Variants in SSH1 observed in about 807,000 individuals in gnomAD.
The protein encoded by SSH1 is protein phosphatase Slingshot homolog 1.
Under a neutral mutation model 79.7 loss-of-function variants are expected in SSH1, and 43 were observed. The ratio of observed to expected loss-of-function variants is 0.54; its 90% CI spans 0.42 to 0.70. SSH1 has a LOEUF of 0.70. SSH1 is among the 30% of genes least tolerant of loss of function. The probability of loss-of-function intolerance (pLI) is 0.00; values close to 1 mark genes in which losing one functional copy is unlikely to be tolerated. For missense variants in SSH1, 1,206 were observed against 1,358.8 expected (o/e 0.89, Z 1.77); for synonymous variants, 599 against 538.3 (o/e 1.11, Z -1.56).
In SSH1 at chr12:108,784,887, T is replaced by C. The variant is rs1023451230; in HGVS notation, c.*3101A>G. The C allele has an allele frequency of 1.3e-5, 2 of 152,256 alleles. No homozygotes were observed. The highest frequency in any genetic ancestry group is 2.9e-5 in the Non-Finnish European group (2 of 68,048). The allele number at this position is 152,256 out of a possible 1,614,324, so 9.4% of individuals were successfully genotyped here. ...CAACAAATGCATTCAATGAAAATGATAGTCATAAAAAACCAGTGACTTGCA... is the reference window on the plus strand; with the variant it reads ...CAACAAATGCATTCAATGAAAATGACAGTCATAAAAAACCAGTGACTTGCA... On this transcript the variant is annotated 3_prime_UTR_variant, in exon 15 of 15. Coordinates refer to ENST00000326495, the MANE Select transcript of SSH1 (RefSeq NM_018984.4).
In SSH1 at chr12:108,807,253, G is replaced by C. The variant is rs968490725; in HGVS notation, c.731+380C>G. Among the ~76,000 whole-genome samples, 1 of 152,152 alleles carries C rather than the reference G, an allele frequency of 6.6e-6. No individual in the cohort carries two copies. Among genetic ancestry groups the C allele is most frequent in the African/African-American group, 2.4e-5 (1 of 41,430 alleles). On this transcript the variant is annotated intron_variant, in intron 8 of 14. Transcript: ENST00000326495. The surrounding 1 kb of genome is among the most constrained non-coding windows in gnomAD (Gnocchi z 5.2). ...CACATTCCTAACTCTCCTCAGAGCA[G>C]AGCGGGAGGCTCTGAGAATTAAGTC...
chr12:108,795,850 CAAAA>C, intron 13 of SSH1, among the ~76,000 whole-genome samples: 1 of 151,888 alleles, frequency 6.6e-6, no homozygotes, highest in African/African-American at 2.4e-5. Flanking sequence ...GACCCTGTCT[CAAAA>C]AAATAAAATT....
At chr12:108,839,054 T>C (rs2038712949) in intron 2 of SSH1, among the ~76,000 whole-genome samples, 1 of 152,232 alleles carries the variant, frequency 6.6e-6, no homozygotes, top group South Asian at 2.1e-4. Context: ...GGCACTACTG[T>C]AGATACAACA....
rs1367000132 is a variant in SSH1, at chr12:108,787,560, G to A, written c.*428C>T. The A allele has an allele frequency of 4.8e-6, 1 of 206,592 alleles. No individual in the cohort carries two copies. Among genetic ancestry groups the A allele is most frequent in the Non-Finnish European group, 1.0e-5 (1 of 99,960 alleles). The allele number at this position is 206,592 out of a possible 1,614,324, so 12.8% of individuals were successfully genotyped here. On this transcript the variant is annotated 3_prime_UTR_variant, in exon 15 of 15. Coordinates refer to ENST00000326495, the MANE Select transcript of SSH1 (RefSeq NM_018984.4). ...AAAAGCGCAGCGAGAACAGAGGTAG[G>A]ACTTAATGTTGCCATCCGAGAGTTT...
chr12:108,788,060 A>C lies in SSH1; in HGVS notation c.3078T>G (p.Ala1026=). The C allele has an allele frequency of 6.2e-7, 1 of 1,614,124 alleles. No individual in the cohort carries two copies. Among genetic ancestry groups the C allele is most frequent in the Non-Finnish European group, 8.5e-7 (1 of 1,180,026 alleles). ...GTTTCCCTGATGGTTTGGAGGTTGC[A>C]GCTGGGTCCCTCGGGGTTCCCTGGG... ...HEPQGTPRDP[A]ATSKPSGKPA... is the part of the protein sequence containing the mutation. Residue 1026 remains alanine (A), a synonymous_variant, in exon 15 of 15, where the codon GCT becomes GCG. Transcript: ENST00000326495.
At chr12:108,789,874 A>G (rs932186746) in intron 14 of SSH1, among the ~76,000 whole-genome samples, 9 of 152,264 alleles carry the variant, frequency 5.9e-5, no homozygotes, top group South Asian at 4.2e-4. Context: ...TTTCAAACAG[A>G]TAAGAGACAA....
chr12:108,827,166 TCCTCAAAAAACCCCAGG>T lies in SSH1; in HGVS notation c.111-3822_111-3806del, dbSNP rs2038341887. 2.5e-6 allele frequency: 3 copies of T among 1,192,878 alleles called. No homozygotes were observed. In the South Asian group the frequency reaches 5.1e-5, roughly 20 times the overall value. 73.9% of individuals were successfully genotyped at this position (1,192,878 alleles called of 1,614,324 possible). The stretch of plus-strand genomic sequence containing the variant: ...ACAGACAAAAAACCTCAATCAATGC[TCCTCAAAAAACCCCAGG>T]CCCCCAAAATATAAACAGCCAGTGT... On this transcript the variant is annotated intron_variant, in intron 2 of 14. Transcript: ENST00000326495.
rs745554125 is a variant in SSH1, at chr12:108,783,402, T to C, written c.*4586A>G. The C allele has an allele frequency of 3.3e-5, 5 of 152,238 alleles. No homozygotes were observed. Among genetic ancestry groups the C allele is most frequent in the African/African-American group, 1.2e-4 (5 of 41,468 alleles). 9.4% of individuals were successfully genotyped at this position (152,238 alleles called of 1,614,324 possible). ...TGAGACTTTAACAGTTTTGCATAAA[T>C]ACATAGTATTTGTAAACTATTATTA... On this transcript the variant is annotated 3_prime_UTR_variant, in exon 15 of 15. Coordinates refer to ENST00000326495, the MANE Select transcript of SSH1 (RefSeq NM_018984.4).
At chr12:108,797,041 C>A (rs1385043485) in intron 13 of SSH1, among the ~76,000 whole-genome samples, 1 of 152,154 alleles carries the variant, frequency 6.6e-6, no homozygotes, top group East Asian at 1.9e-4. Flanking sequence ...AATGCCTGGC[C>A]CCTAATTTTC....
intron 12 of SSH1, among the ~76,000 whole-genome samples, 199 bp from the exon 13 acceptor site, chr12:108,799,399 C>T (rs1435967685): frequency 1.3e-5 from 2 of 152,206 alleles, no homozygotes; most frequent in Admixed American, 1.3e-4. Flanking sequence ...GGAAATACCA[C>T]CACTGTAGAA....
intron 1 of SSH1, among the ~76,000 whole-genome samples, chr12:108,856,478 A>T (rs1439106206): frequency 6.6e-6 from 1 of 152,224 alleles, no homozygotes; most frequent in African/African-American, 2.4e-5. Flanking sequence ...ATCACCCAGA[A>T]TGGGTCACAG....
Position 108,788,698 on chromosome 12 carries a change from T to C in SSH1, c.2440A>G (p.Ile814Val), listed in dbSNP as rs1198611694. 5 of 1,614,104 alleles carry C rather than the reference T, an allele frequency of 3.1e-6. No individual in the cohort carries two copies. The highest frequency in any genetic ancestry group is 3.3e-5 in the Admixed American group (2 of 60,018). The change falls in exon 15 of 15, where the codon ATT becomes GTT. Residue 814 changes from isoleucine (I) to valine (V), a missense_variant. Physicochemically the swap from Ile to Val is conservative, Grantham distance 29. This residue lies in a region of SSH1 where 709 missense variants were observed against 730.6 expected (regional missense o/e 0.97). Transcript: ENST00000326495. ...SYLMQHQESI[I>V]QLQKAGLVRK... Reference sequence around the variant, plus strand: ...ACCAAGCCTGCCTTCTGCAGCTGAATGATGGACTCCTGGTGCTGCATCAGG... The same window carrying C: ...ACCAAGCCTGCCTTCTGCAGCTGAACGATGGACTCCTGGTGCTGCATCAGG...
In SSH1 at chr12:108,857,579, C is replaced by G. The variant is rs1255809303; in HGVS notation, c.-83G>C. 11 of 838,032 alleles carry G rather than the reference C, an allele frequency of 1.3e-5. No individual in the cohort carries two copies. The highest frequency in any genetic ancestry group is 1.6e-5 in the Non-Finnish European group (11 of 698,346). The allele number at this position is 838,032 out of a possible 1,614,324, so 51.9% of individuals were successfully genotyped here. On this transcript the variant is annotated 5_prime_UTR_variant, in exon 1 of 15. Coordinates refer to ENST00000326495, the MANE Select transcript of SSH1 (RefSeq NM_018984.4). The surrounding 1 kb of genome is among the most constrained non-coding windows in gnomAD (Gnocchi z 4.7). ...CCGCCGCCCGGGCCGGGCCCGGGGC[C>G]TCCTGGAGCCGCGCGCGGGCGGCCG...
intron 2 of SSH1, among the ~76,000 whole-genome samples, chr12:108,848,850 C>A (rs1443754309): frequency 1.3e-5 from 2 of 151,850 alleles, no homozygotes; most frequent in Non-Finnish European, 2.9e-5. Flanking sequence ...TGGGGACCTG[C>A]TGACAGTGGC....
At chr12:108,854,808 A>C (rs2039111800) in intron 1 of SSH1, among the ~76,000 whole-genome samples, 1 of 152,224 alleles carries the variant, frequency 6.6e-6, no homozygotes, top group Non-Finnish European at 1.5e-5. Context: ...GCCCACACAC[A>C]GGAAGCAACT....
chr12:108,817,592 C>CAAAACACAAA lies in SSH1; in HGVS notation c.280-443_280-434dup, dbSNP rs377134068. ...TCTGTCTCAAACAACAACAACACAA[C>CAAAACACAAA]AAAACACAAAGCGGAAGTTCTTGAC... is the stretch of plus-strand genomic sequence containing the variant. On this transcript the variant is annotated intron_variant, in intron 4 of 14. Transcript: ENST00000326495. Among the ~76,000 whole-genome samples, 1,052 of 152,218 alleles carry CAAAACACAAA rather than the reference C, an allele frequency of 6.9e-3. 14 individuals are homozygous for CAAAACACAAA. The highest frequency in any genetic ancestry group is 0.024 in the African/African-American group (1,002 of 41,544).
chr12:108,808,174 G>C (rs571825833), intron 7 of SSH1, among the ~76,000 whole-genome samples: 1 of 152,312 alleles, frequency 6.6e-6, no homozygotes, highest in Non-Finnish European at 1.5e-5. Flanking sequence ...CTAGCCTCAA[G>C]TGATCTGCCC....
chr12:108,792,025 T>A (rs1822790945), intron 14 of SSH1: 1 of 1,426,804 alleles, frequency 7.0e-7, no homozygotes, highest in Non-Finnish European at 9.2e-7. Context: ...GAAGATGGTG[T>A]GCAGAGATAT....
chr12:108,798,953 C>T (rs369457589), intron 13 of SSH1, 47 bp downstream of exon 13: 2 of 1,600,482 alleles, frequency 1.2e-6, no homozygotes, highest in Non-Finnish European at 8.5e-7. Context: ...GGCCACATGG[C>T]TGCTCCAGCT....
Sources: gnomAD v4.1 joint callset for allele counts (sites outside exome capture counted in the v4.1 genomes callset) on GRCh38, gnomAD v4.1.1 for gene constraint, gnomAD v4.1.1 regional missense constraint, Gnocchi (gnomAD v3.1) non-coding constraint, MANE v1.5 for transcripts, NCBI Gene and HGNC (gene_info 2026-07-23, HGNC 2026-07-21) for gene names.